Variants in GPM6B observed in about 807,000 individuals in gnomAD.
GPM6B encodes the protein neuronal membrane glycoprotein M6-b.
In GPM6B, 4 loss-of-function variants were observed where a neutral mutation model predicts 27.2. The observed-to-expected ratio is 0.15, with a 90% CI of 0.07 to 0.34. GPM6B has a LOEUF of 0.34. Among genes scored for constraint, GPM6B ranks in the 10% least tolerant of loss-of-function variants. The pLI is 1.00. For missense variants in GPM6B, 183 were observed against 261.9 expected (o/e 0.70, Z 2.08); for synonymous variants, 124 against 103.1 (o/e 1.20, Z -1.23).
At chrX:13,886,885 T>C (rs1021379464) in intron 1 of GPM6B, among the ~76,000 whole-genome samples, 1 of 110,551 alleles carries the variant, frequency 9.0e-6, no homozygotes, top group African/African-American at 3.3e-5. Context: ...AGCATGATCA[T>C]GGCTCACTGC....
intron 5 of GPM6B, among the ~76,000 whole-genome samples, chrX:13,779,036 C>A (rs909048817): frequency 1.8e-5 from 2 of 111,271 alleles, no homozygotes; most frequent in African/African-American, 3.3e-5. Flanking sequence ...TATTCCCCCC[C>A]ACCCCCGGTT....
intron 1 of GPM6B, among the ~76,000 whole-genome samples, chrX:13,875,845 A>G (rs2050027817): frequency 8.9e-6 from 1 of 112,013 alleles, no homozygotes; most frequent in Non-Finnish European, 1.9e-5. Context: ...CAGAAAGCAG[A>G]TTAGTGGTTG....
chrX:13,931,421 G>A (rs1921543640), intron 1 of GPM6B, among the ~76,000 whole-genome samples: 1 of 109,378 alleles, frequency 9.1e-6, no homozygotes, highest in Non-Finnish European at 1.9e-5. Flanking sequence ...CCAGGAGGCA[G>A]AGCTTGCAGT....
intron 7 of GPM6B, among the ~76,000 whole-genome samples, chrX:13,775,573 G>A (rs1288116627): frequency 8.9e-6 from 1 of 112,447 alleles, no homozygotes; most frequent in African/African-American, 3.2e-5. Flanking sequence ...CAGAGAAAAT[G>A]TTCATTAGAG....
intron 1 of GPM6B, among the ~76,000 whole-genome samples, chrX:13,897,021 A>G (rs543764662): frequency 3.6e-4 from 40 of 112,659 alleles, no homozygotes; most frequent in Non-Finnish European, 6.2e-4. Context: ...AAGAACATTT[A>G]TTCCAGATGA....
intron 1 of GPM6B, among the ~76,000 whole-genome samples, chrX:13,861,005 TACACACAC>T (rs55808485): frequency 0.4 from 31,584 of 79,039 alleles, 4,332 homozygotes; most frequent in Middle Eastern, 0.43. Flanking sequence ...TGAATGTGCA[TACACACAC>T]ACACACACAC....
intron 7 of GPM6B, chrX:13,774,595 G>A (rs1340445030): frequency 8.3e-7 from 1 of 1,206,303 alleles, no homozygotes; most frequent in African/African-American, 1.7e-5. Context: ...AAACCGCATA[G>A]TTATATGTAG....
chrX:13,800,529 G>C (rs2048902286), intron 2 of GPM6B, among the ~76,000 whole-genome samples: 1 of 112,494 alleles, frequency 8.9e-6, no homozygotes, highest in African/African-American at 3.2e-5. Context: ...TATACACAAA[G>C]ATATAGTGGC....
intron 1 of GPM6B, among the ~76,000 whole-genome samples, chrX:13,824,498 G>A (rs969198196): frequency 1.8e-4 from 20 of 111,860 alleles, no homozygotes; most frequent in African/African-American, 6.2e-4. Context: ...GCTGGAGGCA[G>A]GAGGGAAACA....
intron 1 of GPM6B, among the ~76,000 whole-genome samples, chrX:13,888,721 A>G (rs1365535954): frequency 9.0e-6 from 1 of 111,395 alleles, no homozygotes; most frequent in Non-Finnish European, 1.9e-5. Context: ...AAGACTAGAA[A>G]TGAAGTAGAA....
At chrX:13,798,580 G>A (rs908580473) in intron 2 of GPM6B, among the ~76,000 whole-genome samples, 14 of 112,679 alleles carry the variant, frequency 1.2e-4, no homozygotes, top group Admixed American at 1.9e-4. Flanking sequence ...TATGCACTGC[G>A]TGCCTTTTAA....
At chrX:13,775,308 G>C (rs1305734961) in intron 7 of GPM6B, among the ~76,000 whole-genome samples, 1 of 113,099 alleles carries the variant, frequency 8.8e-6, no homozygotes, top group Non-Finnish European at 1.9e-5. Context: ...GCAGTTATTA[G>C]CAGACATGTG....
chrX:13,776,592 C>G (rs746404282), intron 6 of GPM6B, among the ~76,000 whole-genome samples: 1 of 111,991 alleles, frequency 8.9e-6, no homozygotes, highest in African/African-American at 3.2e-5. Context: ...CATGCAGCCA[C>G]GGTGGGGAGC....
chrX:13,898,306 G>A (rs1426553601), intron 1 of GPM6B, among the ~76,000 whole-genome samples: 1 of 112,323 alleles, frequency 8.9e-6, no homozygotes, highest in African/African-American at 3.2e-5. Context: ...GCAAGACATT[G>A]CCAAATGGCC....
chrX:13,901,616 G>A (rs919827237), intron 1 of GPM6B, among the ~76,000 whole-genome samples: 1 of 111,281 alleles, frequency 9.0e-6, no homozygotes, highest in Non-Finnish European at 1.9e-5. Context: ...AAGGTCACAC[G>A]GCAAAATCCA....
intron 2 of GPM6B, among the ~76,000 whole-genome samples, chrX:13,798,220 C>G (rs1223604420): frequency 9.0e-6 from 1 of 110,553 alleles, no homozygotes; most frequent in African/African-American, 3.3e-5. Context: ...CTTTGAGAAA[C>G]TAAGGATTGG....
At chrX:13,845,926 T>C (rs966106241) in intron 1 of GPM6B, among the ~76,000 whole-genome samples, 1 of 112,040 alleles carries the variant, frequency 8.9e-6, no homozygotes, top group African/African-American at 3.2e-5. Flanking sequence ...CACTCCCACG[T>C]AGGAGGTTGT....
chrX:13,878,886 C>T (rs6629401), intron 1 of GPM6B, among the ~76,000 whole-genome samples: 23,499 of 110,828 alleles, frequency 0.21, 2,207 homozygotes, highest in East Asian at 0.63. Context: ...AGGAAAATGG[C>T]CACAAGCCAA....
intron 1 of GPM6B, among the ~76,000 whole-genome samples, chrX:13,924,243 G>A (rs1921062301): frequency 2.7e-5 from 3 of 112,286 alleles, no homozygotes; most frequent in African/African-American, 9.7e-5. Flanking sequence ...TCTATTACAA[G>A]CTTAGCACTC....
Sources: gnomAD v4.1 joint callset for allele counts (sites outside exome capture counted in the v4.1 genomes callset) on GRCh38, gnomAD v4.1.1 for gene constraint, MANE v1.5 for transcripts, NCBI Gene and HGNC (gene_info 2026-07-23, HGNC 2026-07-21) for gene names.